The following ABCC3 variants were observed in gnomAD, a reference collection of about 807,000 sequenced individuals.
ABCC3 encodes the protein ATP-binding cassette sub-family C member 3.
Under a neutral mutation model 165.3 loss-of-function variants are expected in ABCC3, and 121 were observed. The observed-to-expected ratio is 0.73, with a 90% confidence interval of 0.63 to 0.85. The LOEUF is 0.85. Ranked by LOEUF, ABCC3 falls within the 40% of genes least tolerant of loss-of-function variation. The pLI is 0.00. For synonymous variants in ABCC3, 733 were observed against 810.1 expected (o/e 0.90, Z 1.62); for missense variants, 1,869 against 1,964.1 (o/e 0.95, Z 0.92).
At chr17:50,643,977 CA>C (rs1966941091) in intron 1 of ABCC3, among the ~76,000 whole-genome samples, 1 of 152,014 alleles carries the variant, frequency 6.6e-6, no homozygotes, top group Non-Finnish European at 1.5e-5. Context: ...CGCAGGTGGG[CA>C]GGGGCACTGG....
At chr17:50,680,587 C>G (rs80078484) in intron 26 of ABCC3, among the ~76,000 whole-genome samples, 4,309 of 152,230 alleles carry the variant, frequency 0.028, 225 homozygotes, top group African/African-American at 0.098. Context: ...CATGACCCCC[C>G]TTTGTGTCTC....
chr17:50,649,666 A>AG (rs1188445775), intron 1 of ABCC3, among the ~76,000 whole-genome samples: 1 of 135,722 alleles, frequency 7.4e-6, no homozygotes, highest in Admixed American at 7.4e-5. Flanking sequence ...AAGGAAGGAA[A>AG]GAAGGAAGGG....
chr17:50,653,344 C>CA (rs1298179994), intron 1 of ABCC3, among the ~76,000 whole-genome samples: 4,436 of 46,830 alleles, frequency 0.095, 258 homozygotes, highest in African/African-American at 0.19. Context: ...GAGACTGTCT[C>CA]AAAAAAAAAA....
chr17:50,687,444 T>A (rs910840029), intron 29 of ABCC3, 92 bp from the exon 30 acceptor site: 5 of 1,308,308 alleles, frequency 3.8e-6, no homozygotes. Flanking sequence ...AAACCAGTCC[T>A]GGGCCACTGA....
intron 1 of ABCC3, among the ~76,000 whole-genome samples, chr17:50,655,067 T>G (rs1166856308): frequency 6.8e-5 from 8 of 117,634 alleles, no homozygotes; most frequent in African/African-American, 2.7e-4. Flanking sequence ...GCCACTGCAC[T>G]CCAGCCTGGG....
chr17:50,675,590 C>A (rs1418674591), intron 20 of ABCC3, 41 bp from the exon 21 acceptor site: 8 of 1,559,914 alleles, frequency 5.1e-6, no homozygotes, highest in Non-Finnish European at 6.9e-6. Context: ...CTGGGGGGTG[C>A]TTGAGGCCCC....
intron 23 of ABCC3, among the ~76,000 whole-genome samples, 181 bp downstream of exon 23, chr17:50,676,769 C>T (rs1413532833): frequency 2.6e-4 from 40 of 152,170 alleles, no homozygotes. Flanking sequence ...AACTCATTTG[C>T]CTCACCTGTA....
At position 50,659,344 on chromosome 17, in the gene ABCC3, G is replaced by T. The variant is rs1348823428; in HGVS notation, c.782G>T (p.Arg261Met). ...MVVQQLLEAW[R>M]KQEKQTARHK... ...GTGCAGCAGCTGCTGGAGGCATGGA[G>T]GAAGCAGGAAAAGCAGACGGCACGG... The change falls in exon 7 of 31, where the codon AGG (arginine) becomes ATG (methionine). Residue 261 changes from arginine to methionine, a missense_variant. Arg to Met is a moderately conservative substitution (Grantham distance 91). Transcript: ENST00000285238. The T allele has an allele frequency of 1.2e-6, 2 of 1,612,100 alleles. No homozygotes were observed. The highest frequency in any genetic ancestry group is 1.7e-6 in the Non-Finnish European group (2 of 1,178,460).
At chr17:50,675,584 G>C (rs1177542491) in intron 20 of ABCC3, 47 bp from the exon 21 acceptor site, 9 of 1,562,282 alleles carry the variant, frequency 5.8e-6, no homozygotes, top group Non-Finnish European at 7.8e-6. Flanking sequence ...TCTGTCCTGG[G>C]GGGTGCTTGA....
intron 1 of ABCC3, among the ~76,000 whole-genome samples, chr17:50,653,290 G>C (rs1486414291): frequency 7.3e-6 from 1 of 136,632 alleles, no homozygotes; most frequent in Admixed American, 8.3e-5. Context: ...TGGTTGCAGT[G>C]AACCGAGATC....
intron 1 of ABCC3, among the ~76,000 whole-genome samples, chr17:50,649,100 A>T: frequency 6.9e-6 from 1 of 145,874 alleles, no homozygotes; most frequent in South Asian, 2.2e-4. Flanking sequence ...CGACAGAGGG[A>T]GACTCCATCT....
At chr17:50,677,720 C>T (rs1292476053) in intron 23 of ABCC3, 24 bp from the exon 24 acceptor site, 1 of 1,610,978 alleles carries the variant, frequency 6.2e-7, no homozygotes, top group South Asian at 1.1e-5. Context: ...GGCCCTGACC[C>T]CAAACTCCTT....
chr17:50,647,866 C>T (rs1967032076), intron 1 of ABCC3, among the ~76,000 whole-genome samples: 1 of 152,122 alleles, frequency 6.6e-6, no homozygotes, highest in South Asian at 2.1e-4. Context: ...TGGCAAAACC[C>T]CGTCTGTACT....
At chr17:50,674,517 T>C (rs1967759971) in intron 19 of ABCC3, 1 of 152,314 alleles carries the variant, frequency 6.6e-6, no homozygotes, top group South Asian at 2.1e-4. Flanking sequence ...AATCACTATA[T>C]ACAGGCACTG....
intron 26 of ABCC3, among the ~76,000 whole-genome samples, chr17:50,681,291 G>A (rs181638701): frequency 2.0e-5 from 3 of 152,184 alleles, no homozygotes; most frequent in East Asian, 3.9e-4. Flanking sequence ...GTTCTAAGAC[G>A]TGAACTCCCT....
In ABCC3 at chr17:50,659,225, A is replaced by G. The variant is rs1209596094; in HGVS notation, c.675-12A>G. ...TCTGCGGGGCTGCCTGCCGGGCTTC[A>G]CCTCCCCCCAGGATGGCCATCTATG... is the stretch of plus-strand genomic sequence containing the variant. On this transcript the variant is annotated splice_polypyrimidine_tract_variant and intron_variant, in intron 6 of 30. Coordinates refer to ENST00000285238, the MANE Select transcript of ABCC3 (RefSeq NM_003786.4). 3.6e-5 allele frequency: 58 copies of G among 1,612,120 alleles called. No individual in the cohort carries two copies. Among genetic ancestry groups the G allele is most frequent in the Non-Finnish European group, 4.9e-5 (58 of 1,178,996 alleles).
rs1323479390 is a variant in ABCC3, at chr17:50,635,971, G to A, written c.45+990G>A. 1.5e-5 allele frequency: 3 copies of A among 193,770 alleles called. No homozygotes were observed. In the Admixed American group the frequency reaches 1.6e-4, roughly 10 times the overall value. The allele number at this position is 193,770 out of a possible 1,614,324, so 12.0% of individuals were successfully genotyped here. A position where few individuals can be genotyped will look rare whatever the true frequency, so the allele number is the denominator to read the frequency against. ...TCTAAGACAGGCTGCTCTTCAGCCT[G>A]CTGACTCCAGCCTCCAGCACAGTTC... On this transcript the variant is annotated intron_variant, in intron 1 of 30. Coordinates refer to ENST00000285238, the MANE Select transcript of ABCC3 (RefSeq NM_003786.4).
chr17:50,672,018 G>A (rs1431868762), intron 17 of ABCC3, among the ~76,000 whole-genome samples: 3 of 151,648 alleles, frequency 2.0e-5, no homozygotes, highest in East Asian at 1.9e-4. Context: ...CACCACGCGC[G>A]ACCTCAGGTT....
chr17:50,638,638 G>C (rs1157412779), intron 1 of ABCC3, among the ~76,000 whole-genome samples: 1 of 152,208 alleles, frequency 6.6e-6, no homozygotes, highest in East Asian at 1.9e-4. Flanking sequence ...TTGCCTAGAA[G>C]CAGCTCTTGG....
Sources: allele counts gnomAD v4.1 joint callset (sites outside exome capture counted in the v4.1 genomes callset), GRCh38; gene constraint gnomAD v4.1.1; transcripts MANE v1.5; gene names NCBI Gene and HGNC (gene_info 2026-07-23, HGNC 2026-07-21).